TNC: variants seen among roughly 807,000 people sequenced by gnomAD.
TNC encodes the protein tenascin.
A neutral mutation model predicts 202.4 loss-of-function variants in TNC; 109 were observed. The observed-to-expected ratio is 0.54, with a 90% CI of 0.46 to 0.63. TNC has a LOEUF of 0.63. Among genes scored for constraint, TNC ranks in the 30% least tolerant of loss-of-function variants. The pLI is 0.00. For missense variants in TNC, 2,756 were observed against 2,833.3 expected (o/e 0.97, Z 0.62); for synonymous variants, 1,007 against 1,089.7 (o/e 0.92, Z 1.50).
In TNC at chr9:115,036,078, A is replaced by G. The variant is rs1830300328; in HGVS notation, c.5656+20T>C. The G allele has an allele frequency of 6.2e-7, 1 of 1,613,728 alleles. No individual in the cohort carries two copies. Among genetic ancestry groups the G allele is most frequent in the Admixed American group, 1.7e-5 (1 of 59,986 alleles). ...GGGCACCCCAGAAGGGAGAGCTTCC[A>G]GCTCTCAGTGTCTTTGTACCTGTTG... On this transcript the variant is annotated intron_variant, in intron 21 of 27. Coordinates refer to ENST00000350763, the MANE Select transcript of TNC (RefSeq NM_002160.4).
chr9:115,081,543 C>T (rs1204580645), intron 6 of TNC, among the ~76,000 whole-genome samples: 1 of 152,176 alleles, frequency 6.6e-6, no homozygotes, highest in African/African-American at 2.4e-5. Flanking sequence ...CTTAAGCACA[C>T]AGATACATGA....
intron 1 of TNC, among the ~76,000 whole-genome samples, chr9:115,098,826 C>T (rs921573077): frequency 2.0e-5 from 3 of 152,002 alleles, no homozygotes; most frequent in Admixed American, 6.6e-5. Flanking sequence ...CTTACATGGG[C>T]GTTCTTAAAT....
intron 7 of TNC, among the ~76,000 whole-genome samples, chr9:115,077,351 T>C (rs1833952277): frequency 6.6e-6 from 1 of 152,078 alleles, no homozygotes; most frequent in South Asian, 2.1e-4. Flanking sequence ...CCACTGCGCC[T>C]GACCCCAATT....
intron 1 of TNC, chr9:115,112,546 C>T (rs1019754628): frequency 1.3e-5 from 2 of 152,098 alleles, no homozygotes; most frequent in Non-Finnish European, 2.9e-5. Context: ...TAGAGGCTGC[C>T]CGTAAGCCCT....
intron 5 of TNC, 130 bp downstream of exon 5, chr9:115,082,562 A>G: frequency 3.2e-6 from 2 of 631,498 alleles, no homozygotes; most frequent in South Asian, 4.0e-5. Flanking sequence ...GCAAACACAA[A>G]TGATGCTAAT....
rs899357125 is a variant in TNC, at chr9:115,087,096, G to A, written c.635C>T (p.Thr212Met). The change falls in exon 3 of 28, where the codon ACG becomes ATG. Residue 212 changes from threonine to methionine, a missense_variant. By Grantham distance (81) the Thr-to-Met change is moderately conservative. This residue lies in a region of TNC where 2,559 missense variants were observed against 2,546.0 expected (regional missense o/e 1.01). Coordinates refer to ENST00000350763, the MANE Select transcript of TNC (RefSeq NM_002160.4). The part of the protein sequence containing the change: ...DGQCICDDGF[T>M]GEDCSQLACP... ...AGCCAGCTGGCTGCAGTCCTCGCCC[G>A]TGAAGCCGTCGTCACAGATGCACTG... is the stretch of plus-strand genomic sequence containing the variant. 4.3e-6 allele frequency: 7 copies of A among 1,614,230 alleles called. No homozygotes were observed. Among genetic ancestry groups the A allele is most frequent in the South Asian group, 3.3e-5 (3 of 91,088 alleles).
rs975545415 is a variant in TNC at position 115,050,150 on chromosome 9, C to T, written c.4580-1618G>A. ...CTCTTTGATAGCTGGCCTCTTTGCA[C>T]CTCCACACCATCAAAGCAGTGAATT... is the stretch of plus-strand genomic sequence containing the variant. On this transcript the variant is annotated intron_variant, in intron 15 of 27. Transcript: ENST00000350763. Among the ~76,000 whole-genome samples the T allele has an allele frequency of 1.1e-4, 16 of 152,316 alleles. 1 individual carries two copies. Among genetic ancestry groups the T allele is most frequent in the African/African-American group, 2.6e-4 (11 of 41,574 alleles).
At chr9:115,068,618 C>G (rs1296571376) in intron 10 of TNC, among the ~76,000 whole-genome samples, 1 of 152,194 alleles carries the variant, frequency 6.6e-6, no homozygotes, top group African/African-American at 2.4e-5. Context: ...TTTGTAACTG[C>G]CAAGAACCAA....
intron 4 of TNC, among the ~76,000 whole-genome samples, chr9:115,083,965 C>T (rs1834510520): frequency 6.6e-6 from 1 of 152,172 alleles, no homozygotes. Context: ...ACACAGTAAA[C>T]ACTTGCTAAA....
chr9:115,090,700 G>T lies in TNC; in HGVS notation c.319C>A (p.Pro107Thr), dbSNP rs1415043824. 2 of 1,614,156 alleles carry T rather than the reference G, an allele frequency of 1.2e-6. No individual in the cohort carries two copies. Among genetic ancestry groups the T allele is most frequent in the South Asian group, 2.2e-5 (2 of 91,086 alleles). ...QIVFTHRINI[P>T]RRACGCAAAP... Reference sequence around the variant, plus strand: ...GCGGCACAGCCACAGGCCCGGCGGGGGATGTTGATGCGATGTGTGAAGACA... The same window carrying T: ...GCGGCACAGCCACAGGCCCGGCGGGTGATGTTGATGCGATGTGTGAAGACA... The change falls in exon 2 of 28, where the codon CCC (proline) becomes ACC (threonine). Residue 107 changes from proline to threonine, a missense_variant. Coordinates refer to ENST00000350763, the MANE Select transcript of TNC (RefSeq NM_002160.4).
chr9:115,084,260 C>T lies in TNC; in HGVS notation c.2080G>A (p.Ala694Thr), dbSNP rs139833577. ...PGVEYFIRVFAILENKKSIPV... is the reference protein window; with the variant it reads ...PGVEYFIRVFTILENKKSIPV... ...ATGCTCTTCTTGTTCTCCAGGATGGCAAATACACGGATAAAGTACTCCACA... is the reference window on the plus strand; with the variant it reads ...ATGCTCTTCTTGTTCTCCAGGATGGTAAATACACGGATAAAGTACTCCACA... Residue 694 changes from alanine to threonine, a missense_variant, in exon 4 of 28, where the codon GCC (alanine) becomes ACC (threonine). Transcript: ENST00000350763. 8.1e-6 allele frequency: 13 copies of T among 1,614,052 alleles called. No homozygotes were observed. Among genetic ancestry groups the T allele is most frequent in the Non-Finnish European group, 1.1e-5 (13 of 1,180,042 alleles).
At chr9:115,105,839 C>T (rs1836576168) in intron 1 of TNC, among the ~76,000 whole-genome samples, 1 of 152,152 alleles carries the variant, frequency 6.6e-6, no homozygotes, top group South Asian at 2.1e-4. Context: ...AATTACACAA[C>T]TTTCTTTACT....
At chr9:115,076,189 T>G in intron 8 of TNC, 68 bp from the exon 9 acceptor site, 1 of 1,540,768 alleles carries the variant, frequency 6.5e-7, no homozygotes, top group Middle Eastern at 1.7e-4. Context: ...ATGATAAAAA[T>G]GGCTTTGAGT....
In TNC at chr9:115,035,186, G is replaced by C. The variant is rs912429873; in HGVS notation, c.5787+18C>G. On this transcript the variant is annotated intron_variant, in intron 22 of 27. Transcript: ENST00000350763. Reference sequence around the variant, plus strand: ...ATGCTTCAACTAGCATTGAGGAGTTGTTATATACTTAAAATACCTTGACTG... The same window carrying C: ...ATGCTTCAACTAGCATTGAGGAGTTCTTATATACTTAAAATACCTTGACTG... 7 of 1,598,296 alleles carry C rather than the reference G, an allele frequency of 4.4e-6. No individual in the cohort carries two copies. The East Asian group carries it at 6.8e-5, about 16-fold the overall frequency.
At chr9:115,025,948 T>C (rs1829444149) in intron 26 of TNC, among the ~76,000 whole-genome samples, 1 of 152,172 alleles carries the variant, frequency 6.6e-6, no homozygotes, top group Non-Finnish European at 1.5e-5. Flanking sequence ...GGATGCAGGC[T>C]GAGACTAGAT....
At chr9:115,096,407 A>G (rs1835795435) in intron 1 of TNC, among the ~76,000 whole-genome samples, 1 of 152,238 alleles carries the variant, frequency 6.6e-6, no homozygotes, top group South Asian at 2.1e-4. Context: ...GCTTGTGGTT[A>G]CAATATGAGA....
intron 2 of TNC, among the ~76,000 whole-genome samples, chr9:115,087,903 C>T (rs1197744342): frequency 6.6e-6 from 1 of 151,938 alleles, no homozygotes; most frequent in East Asian, 1.9e-4. Context: ...TGGGGTTTCA[C>T]CATGTTAGCC....
chr9:115,117,418 G>A lies in TNC; in HGVS notation c.-137+564C>T, dbSNP rs148654723. Among the ~76,000 whole-genome samples, 588 of 152,274 alleles carry A rather than the reference G, an allele frequency of 3.9e-3. 3 individuals are homozygous for A. Among genetic ancestry groups the A allele is most frequent in the African/African-American group, 0.014 (563 of 41,548 alleles). On this transcript the variant is annotated intron_variant, in intron 1 of 27. Coordinates refer to ENST00000350763, the MANE Select transcript of TNC (RefSeq NM_002160.4). ...CCTGTCAGTTATTCATCTGGCCCAG[G>A]AGCCACCTCCTCTCTTCTGTCCCCC...
At chr9:115,050,992 T>C (rs1458899906) in intron 15 of TNC, among the ~76,000 whole-genome samples, 1 of 152,178 alleles carries the variant, frequency 6.6e-6, no homozygotes, top group African/African-American at 2.4e-5. Context: ...TGACATGTCT[T>C]AGTGATGGCA....
Sources: allele counts gnomAD v4.1 joint callset (sites outside exome capture counted in the v4.1 genomes callset), GRCh38; gene constraint gnomAD v4.1.1; regional missense constraint gnomAD v4.1.1; transcripts MANE v1.5; gene names NCBI Gene and HGNC (gene_info 2026-07-23, HGNC 2026-07-21).